The following EIF2A variants were observed in gnomAD, a reference collection of about 807,000 sequenced individuals.
The protein encoded by EIF2A is 65 kDa eukaryotic translation initiation factor 2A.
Under a neutral mutation model 75.2 loss-of-function variants are expected in EIF2A, and 62 were observed. The observed-to-expected ratio is 0.82, with a 90% confidence interval of 0.67 to 1.02. EIF2A has a LOEUF of 1.02. Among genes scored for constraint, EIF2A ranks in the 50% least tolerant of loss-of-function variants. The pLI, the probability that EIF2A is intolerant of heterozygous loss-of-function variation, is 0.00. For synonymous variants in EIF2A, 207 were observed against 239.0 expected (o/e 0.87, Z 1.23); for missense variants, 611 against 677.7 (o/e 0.90, Z 1.09).
At chr3:150,551,393 A>G (rs1214089757) in intron 1 of EIF2A, among the ~76,000 whole-genome samples, 1 of 152,104 alleles carries the variant, frequency 6.6e-6, no homozygotes, top group Non-Finnish European at 1.5e-5. Context: ...AAATGAATCT[A>G]TTTATTTGGT....
At chr3:150,575,985 C>T (rs1724841941) in intron 11 of EIF2A, among the ~76,000 whole-genome samples, 2 of 152,046 alleles carry the variant, frequency 1.3e-5, no homozygotes, top group South Asian at 2.1e-4. Context: ...GAGGCTGAGG[C>T]AGGAGAATTA....
At chr3:150,551,307 T>C (rs570974508) in intron 1 of EIF2A, among the ~76,000 whole-genome samples, 5 of 152,302 alleles carry the variant, frequency 3.3e-5, no homozygotes, top group Admixed American at 3.3e-4. Flanking sequence ...TTTTCTTTCC[T>C]ATTATTTCGC....
chr3:150,548,981 T>C (rs1437834548), intron 1 of EIF2A, among the ~76,000 whole-genome samples: 1 of 152,198 alleles, frequency 6.6e-6, no homozygotes, highest in African/African-American at 2.4e-5. Context: ...CATTCAACAA[T>C]AGATTATTTT....
intron 10 of EIF2A, among the ~76,000 whole-genome samples, chr3:150,575,068 T>A (rs1178066686): frequency 6.6e-6 from 1 of 152,236 alleles, no homozygotes; most frequent in Non-Finnish European, 1.5e-5. Flanking sequence ...ATTGTCTTCA[T>A]TGTGTAATCT....
At chr3:150,563,451 A>G in intron 4 of EIF2A, 64 bp from the exon 5 acceptor site, 1 of 1,327,096 alleles carries the variant, frequency 7.5e-7, no homozygotes, top group Non-Finnish European at 1.0e-6. Flanking sequence ...CTTAATAAAT[A>G]AGAAAAATAA....
chr3:150,547,922 G>T (rs1268894231), intron 1 of EIF2A, among the ~76,000 whole-genome samples: 2 of 152,076 alleles, frequency 1.3e-5, no homozygotes, highest in African/African-American at 4.8e-5. Context: ...TGTAAAGGTA[G>T]CTTGTTATTC....
intron 11 of EIF2A, among the ~76,000 whole-genome samples, chr3:150,580,446 T>G (rs1725118600): frequency 6.6e-6 from 1 of 152,184 alleles, no homozygotes; most frequent in Admixed American, 6.5e-5. Flanking sequence ...TCTAATGGTG[T>G]TGTATTCACC....
chr3:150,583,090 C>A, intron 12 of EIF2A, 110 bp from the exon 13 acceptor site: 2 of 909,938 alleles, frequency 2.2e-6, no homozygotes, highest in South Asian at 1.8e-5. Context: ...ATTGTTGATA[C>A]AAATCTAAGA....
intron 4 of EIF2A, 93 bp downstream of exon 4, chr3:150,562,753 G>A: frequency 1.2e-6 from 1 of 868,684 alleles, no homozygotes; most frequent in Non-Finnish European, 1.8e-6. Flanking sequence ...TCATAAGAAA[G>A]TAATTAGTCT....
intron 5 of EIF2A, 147 bp downstream of exon 5, chr3:150,563,761 T>A: frequency 1.5e-6 from 1 of 646,654 alleles, no homozygotes. Flanking sequence ...AGGAATGTAA[T>A]AGAGCAAAAA....
At chr3:150,571,877 G>C in intron 9 of EIF2A, 81 bp from the exon 10 acceptor site, 1 of 1,279,896 alleles carries the variant, frequency 7.8e-7, no homozygotes, top group Non-Finnish European at 1.1e-6. Context: ...GTGTTTGTGA[G>C]TACTATATGA....
chr3:150,555,806 G>A (rs1177336847), intron 2 of EIF2A, among the ~76,000 whole-genome samples: 3 of 152,148 alleles, frequency 2.0e-5, no homozygotes, highest in African/African-American at 7.2e-5. Context: ...CAAGGCTGCA[G>A]GAGTAGGGGA....
At position 150,583,232 on chromosome 3, in the gene EIF2A, A is replaced by G. The variant is rs1480826845; in HGVS notation, c.1659A>G (p.Gln553=). Residue 553 remains glutamine (Q), a synonymous_variant, in exon 13 of 14, where the codon CAA becomes CAG. Transcript: ENST00000460851. The part of the protein sequence containing the change: ...KLKAIEQLKE[Q]AATGKQLEKN... ...AAGCAATCGAACAACTGAAAGAACA[A>G]GCAGCAACTGGAAAACAGCTAGAAA... 1 of 1,613,182 alleles carries G rather than the reference A, an allele frequency of 6.2e-7. No individual in the cohort carries two copies. Among genetic ancestry groups the G allele is most frequent in the African/African-American group, 1.3e-5 (1 of 75,012 alleles).
chr3:150,560,236 T>A (rs1723778769), intron 3 of EIF2A, among the ~76,000 whole-genome samples: 1 of 151,928 alleles, frequency 6.6e-6, no homozygotes, highest in Admixed American at 6.5e-5. Context: ...ATCTTCTATA[T>A]TAAGTTCTAG....
chr3:150,555,447 G>A (rs925692065), intron 2 of EIF2A, among the ~76,000 whole-genome samples: 2 of 151,536 alleles, frequency 1.3e-5, no homozygotes, highest in Non-Finnish European at 2.9e-5. Flanking sequence ...TAGTAGAGAC[G>A]TGGTTTCACC....
rs775391356 is a variant in EIF2A, at chr3:150,583,226, AG to A, written c.1654del (p.Glu552AsnfsTer9). 1 of 1,613,288 alleles carries A rather than the reference AG, an allele frequency of 6.2e-7. No homozygotes were observed. The highest frequency in any genetic ancestry group is 8.5e-7 in the Non-Finnish European group (1 of 1,179,636). The part of the protein sequence containing the change: ...KKLKAIEQLK[E>X]QAATGKQLEK... ...AACTGAAAGCAATCGAACAACTGAA[AG>A]AACAAGCAGCAACTGGAAAACAGCT... On this transcript the variant is annotated frameshift_variant, in exon 13 of 14. Transcript: ENST00000460851. LOFTEE classifies it high-confidence loss of function.
chr3:150,583,109 C>A, intron 12 of EIF2A, 91 bp from the exon 13 acceptor site: 1 of 1,028,110 alleles, frequency 9.7e-7, no homozygotes, highest in Non-Finnish European at 1.4e-6. Context: ...GATAATTAAT[C>A]TCCTTACTTG....
At chr3:150,554,681 G>T (rs959610420) in intron 2 of EIF2A, among the ~76,000 whole-genome samples, 3 of 152,192 alleles carry the variant, frequency 2.0e-5, no homozygotes, top group Admixed American at 6.5e-5. Flanking sequence ...ATCATCAAAA[G>T]ATGCTGAAAC....
intron 9 of EIF2A, 136 bp downstream of exon 9, chr3:150,568,428 TCTTA>T (rs1033253283): frequency 5.8e-6 from 4 of 688,020 alleles, no homozygotes; most frequent in Non-Finnish European, 8.8e-6. Context: ...ATAAAATTTT[TCTTA>T]ATTAAGAAAC....
Sources: gnomAD v4.1 joint callset for allele counts (sites outside exome capture counted in the v4.1 genomes callset) on GRCh38, gnomAD v4.1.1 for gene constraint, MANE v1.5 for transcripts, NCBI Gene and HGNC (gene_info 2026-07-23, HGNC 2026-07-21) for gene names.